IL1RAPL1: variants seen among roughly 807,000 people sequenced by gnomAD.
The protein encoded by IL1RAPL1 is interleukin-1 receptor accessory protein-like 1.
IL1RAPL1 carries 3 observed loss-of-function variants against 48.4 expected under a neutral mutation model. The observed-to-expected ratio is 0.06, with a 90% confidence interval of 0.03 to 0.16. The LOEUF (loss-of-function observed/expected upper bound fraction) is 0.16. Among genes scored for constraint, IL1RAPL1 ranks in the 10% least tolerant of loss-of-function variants. IL1RAPL1 has a pLI of 1.00. For synonymous variants in IL1RAPL1, 185 were observed against 187.7 expected, an observed-to-expected ratio of 0.99 and a Z score of 0.12; for missense variants, 349 against 530.6, an observed-to-expected ratio of 0.66 and a Z score of 3.36.
At chrX:29,766,124 A>AT (rs1056962356) in intron 6 of IL1RAPL1, among the ~76,000 whole-genome samples, 2 of 107,510 alleles carry the variant, frequency 1.9e-5, no homozygotes, top group Non-Finnish European at 3.8e-5. Flanking sequence ...GGGTCAAGAG[A>AT]TTGAGACCAT....
intron 2 of IL1RAPL1, among the ~76,000 whole-genome samples, chrX:28,801,547 A>G (rs746839414): frequency 2.7e-4 from 30 of 111,946 alleles, no homozygotes; most frequent in Non-Finnish European, 4.9e-4. Flanking sequence ...AAAGGTCTAC[A>G]GACAGCTAAT....
At chrX:29,435,532 C>T (rs181624931) in intron 5 of IL1RAPL1, among the ~76,000 whole-genome samples, 17 of 110,725 alleles carry the variant, frequency 1.5e-4, no homozygotes, top group African/African-American at 4.9e-4. Flanking sequence ...CTAGTGAATG[C>T]GAAGTGGTAC....
intron 8 of IL1RAPL1, among the ~76,000 whole-genome samples, chrX:29,925,425 T>TG (rs1932880117): frequency 4.4e-5 from 1 of 22,672 alleles, no homozygotes; most frequent in Non-Finnish European, 9.3e-5. Context: ...TTTTTTTTTT[T>TG]TTTTTTTTTT....
chrX:28,851,718 AG>A (rs1242825990), intron 2 of IL1RAPL1, among the ~76,000 whole-genome samples: 1 of 111,704 alleles, frequency 9.0e-6, no homozygotes, highest in African/African-American at 3.3e-5. Flanking sequence ...GGTTCTTAAA[AG>A]GCCCATTAAC....
chrX:29,177,144 G>T (rs1190366928), intron 2 of IL1RAPL1, among the ~76,000 whole-genome samples: 2 of 111,343 alleles, frequency 1.8e-5, no homozygotes, highest in Non-Finnish European at 1.9e-5. Flanking sequence ...CAGTGGAGAA[G>T]AAACAAATAA....
intron 3 of IL1RAPL1, among the ~76,000 whole-genome samples, chrX:29,392,521 A>T (rs761698507): frequency 8.9e-6 from 1 of 112,496 alleles, no homozygotes; most frequent in South Asian, 3.7e-4. Context: ...TAGCTTTTTA[A>T]ATCACCTCCT....
chrX:28,631,967 C>T (rs1934405842), intron 1 of IL1RAPL1, among the ~76,000 whole-genome samples: 1 of 112,553 alleles, frequency 8.9e-6, no homozygotes, highest in Non-Finnish European at 1.9e-5. Context: ...AGGGGAATAA[C>T]ATTATCACTT....
chrX:28,768,138 T>C, intron 1 of IL1RAPL1, among the ~76,000 whole-genome samples: 1 of 111,923 alleles, frequency 8.9e-6, no homozygotes, highest in South Asian at 3.7e-4. Context: ...TATCATCATC[T>C]CTGATTTTAT....
chrX:29,473,172 G>C (rs183907543), intron 5 of IL1RAPL1, among the ~76,000 whole-genome samples: 17 of 111,618 alleles, frequency 1.5e-4, no homozygotes, highest in South Asian at 3.7e-4. Context: ...TTATCTTCTT[G>C]TTGTGTCTTT....
intron 5 of IL1RAPL1, among the ~76,000 whole-genome samples, chrX:29,587,567 G>C (rs903802904): frequency 8.9e-6 from 1 of 111,852 alleles, no homozygotes; most frequent in Admixed American, 9.5e-5. Flanking sequence ...TAATACATCT[G>C]TTAATAACTT....
chrX:28,680,948 G>C (rs73547842), intron 1 of IL1RAPL1, among the ~76,000 whole-genome samples: 1,213 of 111,532 alleles, frequency 0.011, 13 homozygotes, highest in African/African-American at 0.037. Flanking sequence ...GCCTCATAAA[G>C]TTATTTCTGT....
intron 2 of IL1RAPL1, among the ~76,000 whole-genome samples, chrX:28,903,424 CTTTTTTT>C (rs199661606): frequency 4.0e-5 from 4 of 100,137 alleles, no homozygotes; most frequent in Middle Eastern, 5.2e-3. Flanking sequence ...TTCTTTCTTT[CTTTTTTT>C]TTTTTTTTTG....
chrX:28,738,177 A>T (rs777072763), intron 1 of IL1RAPL1, among the ~76,000 whole-genome samples: 159 of 103,464 alleles, frequency 1.5e-3, no homozygotes, highest in Middle Eastern at 4.9e-3. Context: ...CTCTTTTTTT[A>T]AAAAAAAAAA....
intron 3 of IL1RAPL1, among the ~76,000 whole-genome samples, chrX:29,393,092 A>T (rs369903441): frequency 3.6e-5 from 4 of 111,899 alleles, no homozygotes; most frequent in East Asian, 2.8e-4. Context: ...TATCCTAATA[A>T]GGAAATGAAA....
intron 3 of IL1RAPL1, among the ~76,000 whole-genome samples, chrX:29,381,813 C>A (rs1396691166): frequency 5.1e-4 from 7 of 13,843 alleles, no homozygotes; most frequent in Non-Finnish European, 7.5e-4. Context: ...AAGACTGTTG[C>A]CAAAAAAAAA....
At chrX:29,884,143 A>G (rs1333928151) in intron 6 of IL1RAPL1, among the ~76,000 whole-genome samples, 1 of 112,104 alleles carries the variant, frequency 8.9e-6, no homozygotes. Context: ...CGAGAGTAGT[A>G]GTCTACCCAT....
At chrX:29,010,657 T>C (rs778773630) in intron 2 of IL1RAPL1, among the ~76,000 whole-genome samples, 6 of 112,182 alleles carry the variant, frequency 5.3e-5, no homozygotes, top group Non-Finnish European at 1.1e-4. Flanking sequence ...ATCTAATGTG[T>C]ATTCAAAAAA....
chrX:28,587,714 TCA>T lies in IL1RAPL1; in HGVS notation c.-357_-356del, dbSNP rs767358902. 1 of 109,981 alleles carries T rather than the reference TCA, an allele frequency of 9.1e-6. No homozygotes were observed. The highest frequency in any genetic ancestry group is 4.0e-4 in the South Asian group (1 of 2,530). 9.1% of individuals were successfully genotyped at this position (109,981 alleles called of 1,213,427 possible). On this transcript the variant is annotated 5_prime_UTR_variant, in exon 1 of 11. Transcript: ENST00000378993. ...CTCTCTTTTTCTGCTCTCTCCTCTC[TCA>T]GTCTCTCCTTTTCTATCTGCCTCTT...
chrX:29,397,759 CT>C (rs958217356), intron 4 of IL1RAPL1, among the ~76,000 whole-genome samples: 1 of 110,804 alleles, frequency 9.0e-6, no homozygotes, highest in African/African-American at 3.3e-5. Context: ...CAAATAAACC[CT>C]TTTTTTTCTT....
Sources: allele counts gnomAD v4.1 joint callset (sites outside exome capture counted in the v4.1 genomes callset), GRCh38; gene constraint gnomAD v4.1.1; transcripts MANE v1.5; gene names NCBI Gene and HGNC (gene_info 2026-07-23, HGNC 2026-07-21).